The following DBF4 variants were observed in gnomAD, a reference collection of about 807,000 sequenced individuals.
The protein encoded by DBF4 is DBF4-CDC7 kinase regulatory subunit.
DBF4 carries 25 observed loss-of-function variants against 76.6 expected under a neutral mutation model. The observed-to-expected ratio is 0.33, with a 90% CI of 0.24 to 0.46. The LOEUF is 0.46. DBF4 is among the 20% of genes least tolerant of loss of function. The pLI is 1.00. For synonymous variants in DBF4, 213 were observed against 258.0 expected (o/e 0.83, Z 1.67); for missense variants, 638 against 760.8 (o/e 0.84, Z 1.90).
rs1166245602 is a variant in DBF4 at position 87,907,867 on chromosome 7, A to G, written c.1729A>G (p.Lys577Glu). The stretch of plus-strand genomic sequence containing the variant: ...TTTACCTTCTGGTAAAATACATCGA[A>G]AAGTGAAAATAATATTAGGACGAAA... ...DSLPSGKIHR[K>E]VKIILGRNRK... is the part of the protein sequence containing the mutation. Residue 577 changes from lysine (K) to glutamate (E), a missense_variant, in exon 12 of 12, where the codon AAA becomes GAA. By Grantham distance (56) the Lys-to-Glu change is moderately conservative (BLOSUM62 1). Transcript: ENST00000265728. 6.2e-7 allele frequency: 1 copy of G among 1,613,574 alleles called. No individual in the cohort carries two copies. The highest frequency in any genetic ancestry group is 8.5e-7 in the Non-Finnish European group (1 of 1,179,916).
rs774210679 is a variant in DBF4, at chr7:87,896,498, C to CA, written c.628dup (p.Thr210AsnfsTer21). 8 of 1,610,712 alleles carry CA rather than the reference C, an allele frequency of 5.0e-6. No homozygotes were observed. Among genetic ancestry groups the CA allele is most frequent in the South Asian group, 2.2e-5 (2 of 90,664 alleles). ...GGGCAAAAGAGTTGGTAGTGGTGCA[C>CA]AAAAAACAAGAAGTAAGTATTTTGT... is the stretch of plus-strand genomic sequence containing the variant. On this transcript the variant is annotated frameshift_variant, in exon 7 of 12. Coordinates refer to ENST00000265728, the MANE Select transcript of DBF4 (RefSeq NM_006716.4). LOFTEE classifies it high-confidence loss of function.
intron 6 of DBF4, among the ~76,000 whole-genome samples, chr7:87,893,598 T>C (rs982799928): frequency 2.0e-5 from 3 of 152,250 alleles, no homozygotes; most frequent in Non-Finnish European, 4.4e-5. Flanking sequence ...TGCTCTCTCT[T>C]CTGTCCCTGT....
chr7:87,886,535 C>CAA (rs11411808), intron 3 of DBF4, among the ~76,000 whole-genome samples: 2,456 of 50,578 alleles, frequency 0.049, 38 homozygotes, highest in Non-Finnish European at 0.059. Flanking sequence ...ACTTTGTCTC[C>CAA]AAAAAAAAAA....
In DBF4 at chr7:87,907,879, ATAT is replaced by A; in HGVS notation, c.1744_1746del (p.Leu582del). The stretch of plus-strand genomic sequence containing the variant: ...TAAAATACATCGAAAAGTGAAAATA[ATAT>A]TAGGACGAAATAGAAAAGAAAATCT... On this transcript the variant is annotated inframe_deletion, in exon 12 of 12. Coordinates refer to ENST00000265728, the MANE Select transcript of DBF4 (RefSeq NM_006716.4). 1 of 1,613,520 alleles carries A rather than the reference ATAT, an allele frequency of 6.2e-7. No homozygotes were observed. The highest frequency in any genetic ancestry group is 1.7e-4 in the Middle Eastern group (1 of 6,060).
chr7:87,898,701 G>C (rs565492620), intron 8 of DBF4, among the ~76,000 whole-genome samples: 16 of 150,622 alleles, frequency 1.1e-4, no homozygotes, highest in African/African-American at 3.9e-4. Context: ...TGAGGCAGGA[G>C]AATGGCGTGA....
chr7:87,900,673 C>A, intron 9 of DBF4, 91 bp from the exon 10 acceptor site: 1 of 1,042,400 alleles, frequency 9.6e-7, no homozygotes, highest in Non-Finnish European at 1.4e-6. Context: ...GCAAATTATG[C>A]AGATTGTGTG....
intron 11 of DBF4, 122 bp from the exon 12 acceptor site, chr7:87,907,066 T>A: frequency 9.3e-7 from 1 of 1,072,810 alleles, no homozygotes; most frequent in Non-Finnish European, 1.3e-6. Flanking sequence ...TTGTAAAATT[T>A]CCTAAGTTAA....
At position 87,897,280 on chromosome 7, in the gene DBF4, TCTA is replaced by T. The variant is rs1839666578; in HGVS notation, c.635-13_635-11del. On this transcript the variant is annotated splice_polypyrimidine_tract_variant and intron_variant, in intron 7 of 11. Coordinates refer to ENST00000265728, the MANE Select transcript of DBF4 (RefSeq NM_006716.4). Reference sequence around the variant, plus strand: ...GAATTTGCAAGTATCTAATATGTTTTCTATGTTCTCAAGCAGGAAGACTCAAAA... The same window carrying T: ...GAATTTGCAAGTATCTAATATGTTTTTGTTCTCAAGCAGGAAGACTCAAAA... 1 of 1,606,502 alleles carries T rather than the reference TCTA, an allele frequency of 6.2e-7. No homozygotes were observed.
chr7:87,884,960 A>G lies in DBF4; in HGVS notation c.220-19A>G. On this transcript the variant is annotated intron_variant, in intron 2 of 11. Coordinates refer to ENST00000265728, the MANE Select transcript of DBF4 (RefSeq NM_006716.4). ...TCTTAAAACAAATTTATAAATAAAA[A>G]TACTTTGTTCTCTTCTAGCGAGTTG... 1 of 1,572,052 alleles carries G rather than the reference A, an allele frequency of 6.4e-7. No homozygotes were observed. Among genetic ancestry groups the G allele is most frequent in the Non-Finnish European group, 8.7e-7 (1 of 1,149,610 alleles).
intron 6 of DBF4, among the ~76,000 whole-genome samples, chr7:87,892,063 AT>A (rs1562761269): frequency 6.6e-6 from 1 of 152,220 alleles, no homozygotes; most frequent in African/African-American, 2.4e-5. Context: ...AGAGTGGTAC[AT>A]TTGTTATAAT....
At chr7:87,887,471 T>G in intron 5 of DBF4, 73 bp downstream of exon 5, 1 of 1,451,454 alleles carries the variant, frequency 6.9e-7, no homozygotes, top group East Asian at 2.5e-5. Context: ...TTCCTGACTT[T>G]ACATAGTGAA....
chr7:87,879,269 T>TA (rs1232536080), intron 2 of DBF4, among the ~76,000 whole-genome samples: 1 of 152,176 alleles, frequency 6.6e-6, no homozygotes, highest in Non-Finnish European at 1.5e-5. Context: ...ACTAGAAACT[T>TA]ATCAGAAGAA....
chr7:87,877,972 T>C, intron 1 of DBF4, 81 bp from the exon 2 acceptor site: 1 of 1,105,502 alleles, frequency 9.0e-7, no homozygotes, highest in Non-Finnish European at 1.3e-6. Context: ...GGATTTTTAT[T>C]CTGTAATATT....
chr7:87,891,404 A>C (rs28742881), intron 6 of DBF4, among the ~76,000 whole-genome samples: 7,456 of 152,194 alleles, frequency 0.049, 274 homozygotes, highest in East Asian at 0.094. Flanking sequence ...TAGCAAGGCT[A>C]TCTAGCCCTG....
intron 2 of DBF4, among the ~76,000 whole-genome samples, chr7:87,882,910 G>A (rs762012184): frequency 4.1e-4 from 62 of 152,192 alleles, no homozygotes; most frequent in Non-Finnish European, 7.5e-4. Context: ...TCTGAAAAAA[G>A]TAAAAAATTG....
At chr7:87,894,792 A>G (rs1839591986) in intron 6 of DBF4, among the ~76,000 whole-genome samples, 1 of 152,134 alleles carries the variant, frequency 6.6e-6, no homozygotes, top group South Asian at 2.1e-4. Flanking sequence ...ATTGGTATTC[A>G]TTTATATCTA....
chr7:87,887,542 T>C, intron 5 of DBF4, 144 bp downstream of exon 5: 1 of 991,800 alleles, frequency 1.0e-6, no homozygotes, highest in South Asian at 1.9e-5. Flanking sequence ...TACCTGAAAC[T>C]GGGTAATGTA....
intron 7 of DBF4, among the ~76,000 whole-genome samples, 189 bp from the exon 8 acceptor site, chr7:87,897,105 A>G (rs907213028): frequency 2.0e-5 from 3 of 152,198 alleles, no homozygotes; most frequent in African/African-American, 7.2e-5. Flanking sequence ...GAATCTCAGA[A>G]TATAGGAGAG....
At position 87,907,468 on chromosome 7, in the gene DBF4, A is replaced by G. The variant is rs1304723087; in HGVS notation, c.1330A>G (p.Ile444Val). The G allele has an allele frequency of 9.3e-6, 15 of 1,613,934 alleles. No homozygotes were observed. The East Asian group carries it at 2.9e-4, about 31-fold the overall frequency. ...CATGTTAAGTACAGCTGAAGATGAC[A>G]TAAGACAGAATTTTACACAGCTACC... is the stretch of plus-strand genomic sequence containing the variant. ...CSMLSTAEDD[I>V]RQNFTQLPLH... is the part of the protein sequence containing the mutation. Residue 444 changes from isoleucine (I) to valine (V), a missense_variant, in exon 12 of 12, where the codon ATA becomes GTA. Physicochemically the swap from Ile to Val is conservative, Grantham distance 29. Coordinates refer to ENST00000265728, the MANE Select transcript of DBF4 (RefSeq NM_006716.4).
Sources: gnomAD v4.1 joint callset for allele counts (sites outside exome capture counted in the v4.1 genomes callset) on GRCh38, gnomAD v4.1.1 for gene constraint, MANE v1.5 for transcripts, NCBI Gene and HGNC (gene_info 2026-07-23, HGNC 2026-07-21) for gene names.